The following GSE1 variants were observed in gnomAD, a reference collection of about 807,000 sequenced individuals.
GSE1 encodes the protein genetic suppressor element 1.
GSE1 carries 32 observed loss-of-function variants against 112.6 expected under a neutral mutation model. The observed-to-expected ratio is 0.28, with a 90% CI of 0.21 to 0.38. The LOEUF (loss-of-function observed/expected upper bound fraction) is 0.38. Ranked by LOEUF, GSE1 falls within the 10% of genes least tolerant of loss-of-function variation. The pLI is 1.00. For synonymous variants in GSE1, 1,115 were observed against 735.6 expected, an observed-to-expected ratio of 1.52 and a Z score of -8.35; for missense variants, 2,348 against 1,699.2, an observed-to-expected ratio of 1.38 and a Z score of -6.71.
intron 2 of GSE1, among the ~76,000 whole-genome samples, chr16:85,382,037 A>G (rs2151622575): frequency 6.6e-6 from 1 of 152,312 alleles, no homozygotes; most frequent in Admixed American, 6.5e-5. Flanking sequence ...CTGGAGCTCC[A>G]CAGAGCCCCG....
At chr16:85,182,131 G>A (rs1050307809) in intron 1 of GSE1, among the ~76,000 whole-genome samples, 2 of 152,166 alleles carry the variant, frequency 1.3e-5, no homozygotes, top group East Asian at 1.9e-4. Context: ...GGTGGACAGC[G>A]AGGGCTCCTG....
At chr16:85,293,896 A>G (rs556735564) in intron 1 of GSE1, among the ~76,000 whole-genome samples, 2 of 152,248 alleles carry the variant, frequency 1.3e-5, no homozygotes, top group African/African-American at 4.8e-5. Flanking sequence ...TCTGGTCATA[A>G]TTACATCTCA....
At chr16:85,332,521 G>A (rs917211792) in intron 1 of GSE1, among the ~76,000 whole-genome samples, 1 of 152,112 alleles carries the variant, frequency 6.6e-6, no homozygotes, top group Non-Finnish European at 1.5e-5. Flanking sequence ...AGCAGCTCTT[G>A]GTTAATATGA....
chr16:85,542,061 G>A (rs1464850109), intron 2 of GSE1, among the ~76,000 whole-genome samples: 1 of 152,094 alleles, frequency 6.6e-6, no homozygotes, highest in Non-Finnish European at 1.5e-5. Context: ...GCAGGCCTCT[G>A]CCTTCAGCTG....
At chr16:85,530,021 GT>G (rs574837604) in intron 2 of GSE1, among the ~76,000 whole-genome samples, 147 of 152,328 alleles carry the variant, frequency 9.7e-4, no homozygotes, top group African/African-American at 3.4e-3. Context: ...CCCTTGTGCA[GT>G]GCACAACCTG....
At chr16:85,613,177 C>T (rs1212050309), upstream of GSE1, 9 of 1,395,930 alleles carry the variant, frequency 6.4e-6, no homozygotes, top group Admixed American at 2.3e-4. Context: ...CGGGAGCGAG[C>T]CAGTGGCCCG....
At chr16:85,647,162 G>C (rs1040765444) in intron 2 of GSE1, among the ~76,000 whole-genome samples, 3 of 152,204 alleles carry the variant, frequency 2.0e-5, no homozygotes, top group Non-Finnish European at 4.4e-5. Context: ...AGATGGGCCG[G>C]GGCGGCCCTG....
At chr16:85,479,304 T>C (rs1360144482) in intron 2 of GSE1, among the ~76,000 whole-genome samples, 1 of 149,818 alleles carries the variant, frequency 6.7e-6, no homozygotes, top group Non-Finnish European at 1.5e-5. Flanking sequence ...AGTGCTAGGA[T>C]TACAGGCGTG....
chr16:85,264,427 G>A (rs1243988576), intron 1 of GSE1, among the ~76,000 whole-genome samples: 1 of 152,088 alleles, frequency 6.6e-6, no homozygotes, highest in Non-Finnish European at 1.5e-5. Context: ...CAACTCCGGG[G>A]AGCCCCTGAG....
At chr16:85,312,179 C>G (rs993250648) in intron 1 of GSE1, among the ~76,000 whole-genome samples, 2 of 136,264 alleles carry the variant, frequency 1.5e-5, no homozygotes, top group African/African-American at 6.0e-5. Context: ...ATTGCAATCC[C>G]TCTGTGGTCT....
intron 2 of GSE1, among the ~76,000 whole-genome samples, chr16:85,469,670 C>G (rs1158540007): frequency 2.0e-5 from 3 of 152,198 alleles, no homozygotes; most frequent in African/African-American, 7.2e-5. Context: ...CTTTGGGGAC[C>G]TGGGTCCTGC....
chr16:85,628,224 C>A (rs1194110424), intron 1 of GSE1, among the ~76,000 whole-genome samples: 1 of 152,234 alleles, frequency 6.6e-6, no homozygotes, highest in African/African-American at 2.4e-5. Context: ...ATTTTAGATT[C>A]CCCCTAATGA....
At chr16:85,382,739 A>C (rs1430294806) in intron 2 of GSE1, among the ~76,000 whole-genome samples, 1 of 151,312 alleles carries the variant, frequency 6.6e-6, no homozygotes, top group Non-Finnish European at 1.5e-5. Context: ...AGCCATGTGC[A>C]CACTCAAGCA....
At chr16:85,384,077 G>A (rs941292303) in intron 2 of GSE1, among the ~76,000 whole-genome samples, 1 of 152,100 alleles carries the variant, frequency 6.6e-6, no homozygotes, top group Non-Finnish European at 1.5e-5. Context: ...CTGCTCCAGA[G>A]AGCACGTCTC....
At chr16:85,529,593 C>G (rs1393379143) in intron 2 of GSE1, among the ~76,000 whole-genome samples, 1 of 152,170 alleles carries the variant, frequency 6.6e-6, no homozygotes, top group Non-Finnish European at 1.5e-5. Flanking sequence ...TTTGCTCTAG[C>G]CCCCCACCCC....
At chr16:85,509,760 G>C (rs534707593) in intron 2 of GSE1, among the ~76,000 whole-genome samples, 1 of 152,350 alleles carries the variant, frequency 6.6e-6, no homozygotes, top group South Asian at 2.1e-4. Context: ...TGTGTGCCAT[G>C]AGCCACATTC....
intron 12 of GSE1, among the ~76,000 whole-genome samples, chr16:85,665,523 T>G (rs1013865857): frequency 2.6e-5 from 4 of 152,230 alleles, no homozygotes; most frequent in Non-Finnish European, 5.9e-5. Context: ...CCTGGCTCTC[T>G]TCCTGCTCTT....
intron 1 of GSE1, among the ~76,000 whole-genome samples, chr16:85,299,783 GA>G (rs2045467879): frequency 6.6e-6 from 1 of 151,780 alleles, no homozygotes; most frequent in African/African-American, 2.4e-5. Context: ...TTAAAAATAA[GA>G]AAAAATTTAG....
chr16:85,321,011 G>A (rs898710778), intron 1 of GSE1, among the ~76,000 whole-genome samples: 6 of 152,112 alleles, frequency 3.9e-5, no homozygotes, highest in East Asian at 3.9e-4. Flanking sequence ...AGTTTCCTCT[G>A]CGCCCCCTGC....
Sources: gnomAD v4.1 joint callset for allele counts (sites outside exome capture counted in the v4.1 genomes callset) on GRCh38, gnomAD v4.1.1 for gene constraint, MANE v1.5 for transcripts, NCBI Gene and HGNC (gene_info 2026-07-23, HGNC 2026-07-21) for gene names.